The following TNPO3 variants were observed in gnomAD, a reference collection of about 807,000 sequenced individuals.
TNPO3 encodes the protein transportin 3.
Under a neutral mutation model 122.8 loss-of-function variants are expected in TNPO3, and 65 were observed. The ratio of observed to expected loss-of-function variants is 0.53; its 90% CI spans 0.43 to 0.65. TNPO3 has a LOEUF of 0.65. Ranked by LOEUF, TNPO3 falls within the 30% of genes least tolerant of loss-of-function variation. The pLI, the probability that TNPO3 is intolerant of heterozygous loss-of-function variation, is 0.00. For synonymous variants in TNPO3, 372 were observed against 411.2 expected, an observed-to-expected ratio of 0.90 and a Z score of 1.15; for missense variants, 850 against 1,136.7, an observed-to-expected ratio of 0.75 and a Z score of 3.63.
chr7:129,003,751 C>A (rs1197436202), intron 5 of TNPO3, among the ~76,000 whole-genome samples: 4 of 151,962 alleles, frequency 2.6e-5, no homozygotes, highest in Admixed American at 2.0e-4. Context: ...TATATTTTAC[C>A]CTGACTCTAG....
chr7:129,014,892 C>A, intron 4 of TNPO3, 87 bp downstream of exon 4: 2 of 1,351,918 alleles, frequency 1.5e-6, no homozygotes, highest in Non-Finnish European at 2.0e-6. Flanking sequence ...GCAAAGAAAG[C>A]TATTTCACAA....
chr7:129,015,234 C>T (rs1803701656), intron 3 of TNPO3, 99 bp from the exon 4 acceptor site: 4 of 1,202,826 alleles, frequency 3.3e-6, no homozygotes, highest in Admixed American at 2.5e-5. Context: ...ACAAAAGCAA[C>T]ATTCCCACCA....
intron 21 of TNPO3, among the ~76,000 whole-genome samples, chr7:128,961,089 A>T (rs73240311): frequency 2.1e-3 from 320 of 152,070 alleles, no homozygotes; most frequent in Non-Finnish European, 3.5e-3. Context: ...GATGAAAAAA[A>T]TTTTTTTATA....
At chr7:129,038,191 T>C (rs1227873717) in intron 1 of TNPO3, among the ~76,000 whole-genome samples, 1 of 151,874 alleles carries the variant, frequency 6.6e-6, no homozygotes, top group Non-Finnish European at 1.5e-5. Context: ...ACAATGAGGA[T>C]GCCAGAAGAC....
At chr7:129,031,665 A>C (rs1225098890) in intron 1 of TNPO3, among the ~76,000 whole-genome samples, 2 of 152,194 alleles carry the variant, frequency 1.3e-5, no homozygotes, top group Non-Finnish European at 2.9e-5. Flanking sequence ...AAAACTGAAG[A>C]GGAAAGAACA....
intron 1 of TNPO3, among the ~76,000 whole-genome samples, chr7:129,025,314 C>CACT (rs1804990014): frequency 8.3e-6 from 1 of 120,952 alleles, no homozygotes; most frequent in African/African-American, 3.2e-5. Flanking sequence ...CGTACCACCA[C>CACT]ACTCCAGCCT....
chr7:128,960,131 A>G (rs1474477774), intron 21 of TNPO3, among the ~76,000 whole-genome samples: 1 of 152,214 alleles, frequency 6.6e-6, no homozygotes, highest in Non-Finnish European at 1.5e-5. Flanking sequence ...TATAATAGAG[A>G]TGAACAACTG....
chr7:128,991,900 A>G, intron 10 of TNPO3, 99 bp downstream of exon 10: 2 of 672,852 alleles, frequency 3.0e-6, no homozygotes, highest in Non-Finnish European at 4.7e-6. Context: ...GAAGTTCTGA[A>G]AGTCTCCAGG....
chr7:129,040,726 G>T (rs1403512417), intron 1 of TNPO3, among the ~76,000 whole-genome samples: 2 of 151,998 alleles, frequency 1.3e-5, no homozygotes, highest in Non-Finnish European at 2.9e-5. Flanking sequence ...TCAGGACAAT[G>T]CTATGGGAAA....
At chr7:128,963,311 A>T (rs967058800) in intron 21 of TNPO3, among the ~76,000 whole-genome samples, 1 of 152,302 alleles carries the variant, frequency 6.6e-6, no homozygotes, top group Admixed American at 6.5e-5. Context: ...CTAGGTTCCC[A>T]TTTGCTTTAG....
chr7:129,003,387 T>C (rs1001938174), intron 5 of TNPO3, among the ~76,000 whole-genome samples: 1 of 148,912 alleles, frequency 6.7e-6, no homozygotes, highest in Non-Finnish European at 1.5e-5. Context: ...AAATGTGACA[T>C]GGCCAGGTGT....
In TNPO3 at chr7:128,994,412, C is replaced by T. The variant is rs892232856; in HGVS notation, c.1159-498G>A. 1.7e-4 allele frequency among the ~76,000 whole-genome samples: 26 copies of T among 152,142 alleles called. 1 individual carries two copies. The South Asian group carries it at 2.5e-3, about 15-fold the overall frequency. Reference sequence around the variant, plus strand: ...ACCTCAAGTCAGCTGCCCACCTCGACCTCCCAAAGTGTTAGCCACCGTGAG... The same window carrying T: ...ACCTCAAGTCAGCTGCCCACCTCGATCTCCCAAAGTGTTAGCCACCGTGAG... On this transcript the variant is annotated intron_variant, in intron 8 of 22. Transcript: ENST00000265388.
intron 10 of TNPO3, 189 bp from the exon 11 acceptor site, chr7:128,990,289 GAT>G: frequency 2.9e-6 from 2 of 697,628 alleles, no homozygotes; most frequent in Admixed American, 2.3e-5. Context: ...AGAAATGAAA[GAT>G]ATTGTTTCAG....
intron 1 of TNPO3, among the ~76,000 whole-genome samples, chr7:129,036,543 T>C (rs538032778): frequency 2.0e-5 from 3 of 152,306 alleles, no homozygotes; most frequent in East Asian, 3.9e-4. Context: ...TTAGGAAAAT[T>C]TGAATACAGA....
chr7:128,992,930 G>C (rs1219395699), intron 9 of TNPO3, among the ~76,000 whole-genome samples: 2 of 152,112 alleles, frequency 1.3e-5, no homozygotes, highest in Non-Finnish European at 2.9e-5. Flanking sequence ...AAGCCATAGA[G>C]CTAAAGAGAG....
At chr7:128,996,216 C>A (rs569037351) in intron 8 of TNPO3, among the ~76,000 whole-genome samples, 3 of 152,206 alleles carry the variant, frequency 2.0e-5, no homozygotes, top group African/African-American at 7.2e-5. Flanking sequence ...AGGATGAAAT[C>A]GATGTGGCAA....
chr7:128,983,577 C>T (rs1191781097), intron 13 of TNPO3, among the ~76,000 whole-genome samples: 2 of 152,148 alleles, frequency 1.3e-5, no homozygotes, highest in Non-Finnish European at 2.9e-5. Context: ...ACATCTATAG[C>T]CCATCAATCT....
intron 1 of TNPO3, chr7:129,029,004 A>G: frequency 2.4e-6 from 1 of 420,350 alleles, no homozygotes. Context: ...GATGATGATT[A>G]GGATGCCTTC....
rs1809318810 is a variant in TNPO3, at chr7:129,054,989, G to T, written c.-219C>A. The T allele has an allele frequency of 1.8e-6, 1 of 566,704 alleles. No homozygotes were observed. Among genetic ancestry groups the T allele is most frequent in the Non-Finnish European group, 3.1e-6 (1 of 323,014 alleles). 35.1% of individuals were successfully genotyped at this position (566,704 alleles called of 1,614,324 possible). A position where few individuals can be genotyped will look rare whatever the true frequency, so the allele number is the denominator to read the frequency against. On this transcript the variant is annotated 5_prime_UTR_variant, in exon 1 of 23. Coordinates refer to ENST00000265388, the MANE Select transcript of TNPO3 (RefSeq NM_012470.4). ...TATTCAGGTTCCTGGCCTTTTTTCC[G>T]GTTTTTCCACTTGATTCTAGACTCT...
Sources: allele counts gnomAD v4.1 joint callset (sites outside exome capture counted in the v4.1 genomes callset), GRCh38; gene constraint gnomAD v4.1.1; transcripts MANE v1.5; gene names NCBI Gene and HGNC (gene_info 2026-07-23, HGNC 2026-07-21).